Variants in EEF2K observed in about 807,000 individuals in gnomAD.
EEF2K encodes eukaryotic elongation factor 2 kinase.
Under a neutral mutation model 93.8 loss-of-function variants are expected in EEF2K, and 70 were observed. The ratio of observed to expected loss-of-function variants is 0.75; its 90% confidence interval spans 0.62 to 0.91. The LOEUF (loss-of-function observed/expected upper bound fraction) is 0.91, where lower values mean the gene tolerates loss of function less well. EEF2K is among the 40% of genes least tolerant of loss of function. The pLI, the probability that EEF2K is intolerant of heterozygous loss-of-function variation, is 0.00. For synonymous variants in EEF2K, 376 were observed against 380.8 expected (o/e 0.99, Z 0.15); for missense variants, 935 against 972.9 (o/e 0.96, Z 0.52).
chr16:22,207,172 A>G (rs916833090), intron 1 of EEF2K, among the ~76,000 whole-genome samples: 1 of 152,034 alleles, frequency 6.6e-6, no homozygotes, highest in Non-Finnish European at 1.5e-5. Context: ...CGCTGCTGAC[A>G]TGTGTGCCAA....
chr16:22,235,004 C>T (rs1598174594), intron 2 of EEF2K, among the ~76,000 whole-genome samples: 1 of 150,790 alleles, frequency 6.6e-6, no homozygotes, highest in East Asian at 2.0e-4. Flanking sequence ...CCTCAGCCTC[C>T]TGAGTAGCTG....
intron 16 of EEF2K, among the ~76,000 whole-genome samples, chr16:22,279,071 A>G (rs147536845): frequency 6.6e-6 from 1 of 152,204 alleles, no homozygotes; most frequent in East Asian, 1.9e-4. Flanking sequence ...CAGCTTAGCT[A>G]GGACACTCAG....
intron 2 of EEF2K, among the ~76,000 whole-genome samples, chr16:22,235,190 G>GGA (rs1285331396): frequency 1.3e-5 from 2 of 151,730 alleles, no homozygotes; most frequent in Non-Finnish European, 2.9e-5. Context: ...CTCCAGCCTG[G>GGA]GAGACAGAGC....
rs1426582323 is a variant in EEF2K at position 22,287,565 on chromosome 16, A to T, written c.*3569A>T. 6.6e-6 allele frequency: 1 copy of T among 152,172 alleles called. No homozygotes were observed. Among genetic ancestry groups the T allele is most frequent in the African/African-American group, 2.4e-5 (1 of 41,424 alleles). The allele number at this position is 152,172 out of a possible 1,614,324, so 9.4% of individuals were successfully genotyped here. On this transcript the variant is annotated 3_prime_UTR_variant, in exon 18 of 18. Coordinates refer to ENST00000263026, the MANE Select transcript of EEF2K (RefSeq NM_013302.5). ...AGCAAGCCACTAAGCTGGAGCTGGG[A>T]TTTGAGAGCTGCTGCTATTTAGAGG...
At chr16:22,267,789 G>C (rs2047539782) in intron 15 of EEF2K, among the ~76,000 whole-genome samples, 1 of 152,120 alleles carries the variant, frequency 6.6e-6, no homozygotes, top group South Asian at 2.1e-4. Flanking sequence ...GAAGCAGCAG[G>C]GTGTGGACCT....
chr16:22,211,213 C>T (rs1193191604), intron 1 of EEF2K, among the ~76,000 whole-genome samples: 3 of 152,178 alleles, frequency 2.0e-5, no homozygotes, highest in Non-Finnish European at 2.9e-5. Flanking sequence ...ATGAATTTTA[C>T]AGATGAAGAA....
rs1422243354 is a variant in EEF2K at position 22,258,540 on chromosome 16, G to A, written c.1076G>A (p.Ser359Asn). Residue 359 changes from serine to asparagine, a missense_variant, in exon 10 of 18, where the codon AGC becomes AAC. Ser to Asn is a conservative substitution (Grantham distance 46). Coordinates refer to ENST00000263026, the MANE Select transcript of EEF2K (RefSeq NM_013302.5). ...AGAGGAACAGAGGAAAAATGTGGGAGCCCCCAAGTAAGGACCCTCTCTGGG... is the reference window on the plus strand; with the variant it reads ...AGAGGAACAGAGGAAAAATGTGGGAACCCCCAAGTAAGGACCCTCTCTGGG... ...ILRGTEEKCG[S>N]PQVRTLSGSR... The A allele has an allele frequency of 1.2e-6, 2 of 1,613,888 alleles. No individual in the cohort carries two copies. The highest frequency in any genetic ancestry group is 1.1e-5 in the South Asian group (1 of 91,076).
chr16:22,218,826 T>C (rs1352747103), intron 1 of EEF2K, among the ~76,000 whole-genome samples: 1 of 149,170 alleles, frequency 6.7e-6, no homozygotes, highest in East Asian at 2.0e-4. Flanking sequence ...TACCTTTCCA[T>C]AGAAATAGGG....
At chr16:22,236,616 G>C (rs1185362815) in intron 2 of EEF2K, among the ~76,000 whole-genome samples, 1 of 151,748 alleles carries the variant, frequency 6.6e-6, no homozygotes, top group African/African-American at 2.4e-5. Context: ...AAGTAACCAG[G>C]GGCCTTGATT....
chr16:22,275,566 C>T (rs1350207433), intron 16 of EEF2K, among the ~76,000 whole-genome samples: 3 of 152,024 alleles, frequency 2.0e-5, no homozygotes, highest in Admixed American at 2.0e-4. Context: ...TTGTCTCGAA[C>T]TCCTAACCTC....
At chr16:22,218,977 A>T (rs2046987151) in intron 1 of EEF2K, among the ~76,000 whole-genome samples, 3 of 150,558 alleles carry the variant, frequency 2.0e-5, no homozygotes, top group African/African-American at 7.3e-5. Context: ...AGAAATAGGG[A>T]CTGGGAGGAG....
intron 1 of EEF2K, among the ~76,000 whole-genome samples, chr16:22,215,139 T>G (rs1299041407): frequency 1.3e-5 from 2 of 152,116 alleles, no homozygotes; most frequent in Non-Finnish European, 2.9e-5. Context: ...CCAGCCTGAT[T>G]GGTTGTGGGA....
At chr16:22,234,515 C>T (rs1300882551) in intron 2 of EEF2K, among the ~76,000 whole-genome samples, 1 of 151,468 alleles carries the variant, frequency 6.6e-6, no homozygotes, top group African/African-American at 2.4e-5. Flanking sequence ...CAAGATCGCA[C>T]CACTGCACTC....
intron 10 of EEF2K, 143 bp downstream of exon 10, chr16:22,258,838 T>C (rs1193181644): frequency 5.8e-6 from 6 of 1,039,852 alleles, no homozygotes; most frequent in South Asian, 3.3e-5. Flanking sequence ...GTGAGTTTCA[T>C]TGAGTGAACT....
chr16:22,236,412 C>T (rs1209746989), intron 2 of EEF2K, among the ~76,000 whole-genome samples: 5 of 150,412 alleles, frequency 3.3e-5, no homozygotes, highest in African/African-American at 7.4e-5. Context: ...GTAGCTATTA[C>T]TACAGGCGCA....
rs2047606702 is a variant in EEF2K at position 22,273,623 on chromosome 16, C to T, written c.1765-3C>T. ...TTTCTCCCTCTTTGGTTTGTATCAA[C>T]AGGAGACAGAAGAGAACAAAACCAA... On this transcript the variant is annotated splice_region_variant and splice_polypyrimidine_tract_variant and intron_variant, in intron 15 of 17. Coordinates refer to ENST00000263026, the MANE Select transcript of EEF2K (RefSeq NM_013302.5). The T allele has an allele frequency of 6.2e-7, 1 of 1,613,834 alleles. No individual in the cohort carries two copies. The highest frequency in any genetic ancestry group is 1.3e-5 in the African/African-American group (1 of 74,910).
At chr16:22,262,916 A>G (rs1178467502) in intron 11 of EEF2K, among the ~76,000 whole-genome samples, 194 bp from the exon 12 acceptor site, 1 of 152,178 alleles carries the variant, frequency 6.6e-6, no homozygotes, top group Non-Finnish European at 1.5e-5. Context: ...TCCTCAAGTG[A>G]TCTGCCTGCC....
intron 15 of EEF2K, among the ~76,000 whole-genome samples, chr16:22,269,527 G>T (rs1598202880): frequency 6.6e-6 from 1 of 151,896 alleles, no homozygotes; most frequent in East Asian, 1.9e-4. Flanking sequence ...TCAGTCTCCT[G>T]AGTAGCTGGG....
At position 22,213,046 on chromosome 16, in the gene EEF2K, G is replaced by A. The variant is rs916992011; in HGVS notation, c.-77+6367G>A. Among the ~76,000 whole-genome samples the A allele has an allele frequency of 5.9e-5, 9 of 152,226 alleles. 1 individual carries two copies. Among genetic ancestry groups the A allele is most frequent in the Admixed American group, 5.9e-4 (9 of 15,290 alleles). On this transcript the variant is annotated intron_variant, in intron 1 of 17. Coordinates refer to ENST00000263026, the MANE Select transcript of EEF2K (RefSeq NM_013302.5). ...TGTAATCCCAGCACTTTGGGAGGCGGAGATGGGTGGATCACCTGAGGTCAG... is the reference window on the plus strand; with the variant it reads ...TGTAATCCCAGCACTTTGGGAGGCGAAGATGGGTGGATCACCTGAGGTCAG...
Sources: gnomAD v4.1 joint callset for allele counts (sites outside exome capture counted in the v4.1 genomes callset) on GRCh38, gnomAD v4.1.1 for gene constraint, MANE v1.5 for transcripts, NCBI Gene and HGNC (gene_info 2026-07-23, HGNC 2026-07-21) for gene names.